Variants in EFCAB3 observed in about 807,000 individuals in gnomAD.
EFCAB3 encodes EF-hand calcium binding domain 3, also known as EF-hand calcium-binding domain-containing protein 3.
EFCAB3 carries 36 observed loss-of-function variants against 42.2 expected under a neutral mutation model. The observed-to-expected ratio is 0.85, with a 90% CI of 0.65 to 1.13. The LOEUF is 1.13. Among genes scored for constraint, EFCAB3 ranks in the 50% most tolerant of loss-of-function variants. EFCAB3 has a pLI of 0.00. For synonymous variants in EFCAB3, 170 were observed against 172.8 expected (o/e 0.98, Z 0.13); for missense variants, 418 against 505.1 (o/e 0.83, Z 1.65).
chr17:62,391,225 G>T (rs2070300205), intron 3 of EFCAB3, among the ~76,000 whole-genome samples: 1 of 152,088 alleles, frequency 6.6e-6, no homozygotes, highest in South Asian at 2.1e-4. Flanking sequence ...CTGACCTCGT[G>T]ATCCACGAGG....
At chr17:62,397,700 G>A (rs1027182537) in intron 6 of EFCAB3, 7 of 545,968 alleles carry the variant, frequency 1.3e-5, no homozygotes, top group African/African-American at 3.8e-5. Context: ...TGAGAAAAAC[G>A]ATAAAGTTCT....
intron 3 of EFCAB3, 130 bp downstream of exon 3, chr17:62,387,546 C>G: frequency 1.4e-6 from 1 of 720,118 alleles, no homozygotes; most frequent in South Asian, 2.1e-5. Context: ...GGAAAAAAAA[C>G]CTTACATTTT....
intron 1 of EFCAB3, chr17:62,370,436 C>A (rs771870023): frequency 1.0e-4 from 110 of 1,061,834 alleles, no homozygotes; most frequent in Non-Finnish European, 1.3e-4. Context: ...AGGTGGATCA[C>A]CTGAGGTCAG....
At chr17:62,389,231 C>T (rs562500909) in intron 3 of EFCAB3, among the ~76,000 whole-genome samples, 3 of 152,328 alleles carry the variant, frequency 2.0e-5, no homozygotes, top group Non-Finnish European at 4.4e-5. Flanking sequence ...GTACCTAGCC[C>T]TGGGATGACT....
chr17:62,413,974 G>A, intron 9 of EFCAB3, 120 bp downstream of exon 9: 2 of 1,172,456 alleles, frequency 1.7e-6, no homozygotes, highest in Admixed American at 2.5e-5. Flanking sequence ...AATGAGACAA[G>A]GTTGTTTCTC....
At chr17:62,387,616 G>T (rs1672030525) in intron 3 of EFCAB3, among the ~76,000 whole-genome samples, 200 bp downstream of exon 3, 1 of 152,000 alleles carries the variant, frequency 6.6e-6, no homozygotes, top group African/African-American at 2.4e-5. Context: ...AGGCAGTGCT[G>T]GTCAAATAAC....
At chr17:62,380,489 A>T, upstream of EFCAB3, 1 of 910,310 alleles carries the variant, frequency 1.1e-6, no homozygotes, top group South Asian at 5.1e-5. Flanking sequence ...CTCCTGGGTC[A>T]TTCTCTCCCT....
chr17:62,398,915 C>T (rs542847153), intron 6 of EFCAB3, among the ~76,000 whole-genome samples: 5 of 152,110 alleles, frequency 3.3e-5, no homozygotes, highest in South Asian at 2.1e-4. Context: ...TAGTTGACAC[C>T]GTTTATTGAA....
At chr17:62,415,128 A>C (rs9893380) in intron 9 of EFCAB3, among the ~76,000 whole-genome samples, 137,002 of 151,436 alleles carry the variant, frequency 0.9, 63,309 homozygotes, top group East Asian at 0.99. Context: ...ACAAAAAAAA[A>C]CAAAAAAACC....
chr17:62,391,848 T>C lies in EFCAB3; in HGVS notation c.178T>C (p.Tyr60His). 3 of 1,613,712 alleles carry C rather than the reference T, an allele frequency of 1.9e-6. No individual in the cohort carries two copies. The highest frequency in any genetic ancestry group is 4.5e-5 in the East Asian group (2 of 44,824). ...AAFQDAYNFF[Y>H]KDKTGCIDFH... is the part of the protein sequence containing the mutation. ...TTTCCAAGATGCCTACAACTTCTTC[T>C]ACAAGGACAAAACTGGCTGTATTGA... The change falls in exon 4 of 10, where the codon TAC (tyrosine) becomes CAC (histidine). Residue 60 changes from tyrosine (Y) to histidine (H), a missense_variant. Physicochemically the swap from Tyr to His is moderately conservative, Grantham distance 83 (BLOSUM62 2). Coordinates refer to ENST00000305286, the MANE Select transcript of EFCAB3 (RefSeq NM_173503.4).
intron 6 of EFCAB3, among the ~76,000 whole-genome samples, chr17:62,399,064 T>C (rs1428247446): frequency 6.6e-6 from 1 of 152,150 alleles, no homozygotes; most frequent in African/African-American, 2.4e-5. Flanking sequence ...CAACACTCCC[T>C]GTGCCTAGCT....
In EFCAB3 at chr17:62,406,598, G is replaced by A; in HGVS notation, c.607G>A (p.Ala203Thr). The A allele has an allele frequency of 6.2e-7, 1 of 1,614,030 alleles. No individual in the cohort carries two copies. The highest frequency in any genetic ancestry group is 8.5e-7 in the Non-Finnish European group (1 of 1,180,002). ...ATGCACACCTCCAAGCTCAAGCATGGCTGCCTTTGCTAATGCTGCCCGGAT... is the reference window on the plus strand; with the variant it reads ...ATGCACACCTCCAAGCTCAAGCATGACTGCCTTTGCTAATGCTGCCCGGAT... ...DICTPPSSSM[A>T]AFANAARIAI... The change falls in exon 7 of 10, where the codon GCT (alanine) becomes ACT (threonine). Residue 203 changes from alanine to threonine, a missense_variant. Physicochemically the swap from Ala to Thr is moderately conservative, Grantham distance 58. Coordinates refer to ENST00000305286, the MANE Select transcript of EFCAB3 (RefSeq NM_173503.4).
At chr17:62,385,716 CTTTTTTT>C (rs35067521) in intron 2 of EFCAB3, among the ~76,000 whole-genome samples, 1 of 77,556 alleles carries the variant, frequency 1.3e-5, no homozygotes, top group Admixed American at 1.6e-4. Context: ...TCTAGTTTTA[CTTTTTTT>C]TTTTTTTTTT....
At chr17:62,393,890 G>A (rs551149768) in intron 5 of EFCAB3, among the ~76,000 whole-genome samples, 2 of 152,182 alleles carry the variant, frequency 1.3e-5, no homozygotes, top group Non-Finnish European at 2.9e-5. Context: ...GGTCTCCAAC[G>A]AGAACACTGA....
chr17:62,408,916 T>C (rs1020708502), intron 8 of EFCAB3, among the ~76,000 whole-genome samples: 1 of 152,186 alleles, frequency 6.6e-6, no homozygotes, highest in South Asian at 2.1e-4. Flanking sequence ...TCCCCTCACC[T>C]CTTTTAGGTC....
intron 6 of EFCAB3, among the ~76,000 whole-genome samples, chr17:62,399,157 C>T (rs548726497): frequency 6.6e-6 from 1 of 151,220 alleles, no homozygotes; most frequent in African/African-American, 2.4e-5. Context: ...CTTCAAAACC[C>T]TCCCATTTCC....
chr17:62,402,725 C>T (rs1343020486), intron 6 of EFCAB3, among the ~76,000 whole-genome samples: 1 of 152,182 alleles, frequency 6.6e-6, no homozygotes, highest in Non-Finnish European at 1.5e-5. Context: ...CATCGATGTT[C>T]ATCAGGGATA....
upstream of EFCAB3, among the ~76,000 whole-genome samples, chr17:62,375,977 T>C (rs1244139980): frequency 1.3e-5 from 2 of 152,324 alleles, no homozygotes; most frequent in East Asian, 3.9e-4. Flanking sequence ...ACATTTCACA[T>C]GGCTACCCAG....
chr17:62,406,541 G>C lies in EFCAB3; in HGVS notation c.550G>C (p.Gly184Arg). ...PGMLWSPYTM[G>R]YGKRTLKPDI... is the part of the protein sequence containing the mutation. ...AATGTTGTGGAGTCCCTACACTATG[G>C]GCTATGGAAAAAGGACACTTAAGCC... The change falls in exon 7 of 10, where the codon GGC (glycine) becomes CGC (arginine). Residue 184 changes from glycine to arginine, a missense_variant. Coordinates refer to ENST00000305286, the MANE Select transcript of EFCAB3 (RefSeq NM_173503.4). 1 of 1,613,834 alleles carries C rather than the reference G, an allele frequency of 6.2e-7. No individual in the cohort carries two copies. Among genetic ancestry groups the C allele is most frequent in the Admixed American group, 1.7e-5 (1 of 59,974 alleles).
Sources: gnomAD v4.1 joint callset for allele counts (sites outside exome capture counted in the v4.1 genomes callset) on GRCh38, gnomAD v4.1.1 for gene constraint, MANE v1.5 for transcripts, NCBI Gene and HGNC (gene_info 2026-07-23, HGNC 2026-07-21) for gene names.